The following DLG2 variants were observed in gnomAD, a reference collection of about 807,000 sequenced individuals.
DLG2 encodes the protein discs large MAGUK scaffold protein 2.
A neutral mutation model predicts 132.5 loss-of-function variants in DLG2; 45 were observed. The ratio of observed to expected loss-of-function variants is 0.34; its 90% CI spans 0.27 to 0.44. The LOEUF (loss-of-function observed/expected upper bound fraction) is 0.44. DLG2 is among the 20% of genes least tolerant of loss of function. The probability of loss-of-function intolerance (pLI) is 1.00; values close to 1 mark genes in which losing one functional copy is unlikely to be tolerated. For synonymous variants in DLG2, 424 were observed against 419.6 expected (o/e 1.01, Z -0.13); for missense variants, 1,045 against 1,196.9 (o/e 0.87, Z 1.87).
intron 7 of DLG2, among the ~76,000 whole-genome samples, chr11:84,388,745 G>A (rs973353290): frequency 4.6e-5 from 7 of 151,904 alleles, no homozygotes; most frequent in African/African-American, 1.7e-4. Flanking sequence ...AGAAGAAAAA[G>A]TGGATGTCAG....
At chr11:85,000,046 G>T (rs923838829) in intron 6 of DLG2, among the ~76,000 whole-genome samples, 2 of 151,914 alleles carry the variant, frequency 1.3e-5, no homozygotes, top group African/African-American at 4.8e-5. Context: ...TGAGCATTAT[G>T]TCTCTTATCT....
At chr11:84,402,354 A>C (rs180728039) in intron 7 of DLG2, among the ~76,000 whole-genome samples, 15 of 152,200 alleles carry the variant, frequency 9.9e-5, no homozygotes, top group Admixed American at 2.6e-4. Flanking sequence ...TGAATGGTTA[A>C]GATCTGGAGT....
At chr11:83,890,788 TGCTGACCTG>T (rs1281514865) in intron 15 of DLG2, among the ~76,000 whole-genome samples, 1 of 152,130 alleles carries the variant, frequency 6.6e-6, no homozygotes, top group African/African-American at 2.4e-5. Flanking sequence ...TGTCTCTAAA[TGCTGACCTG>T]AACCTGAAAT....
chr11:83,980,760 G>A, intron 11 of DLG2, 118 bp from the exon 12 acceptor site: 1 of 974,176 alleles, frequency 1.0e-6, no homozygotes, highest in Non-Finnish European at 1.5e-6. Flanking sequence ...TATTGTAACA[G>A]CAATAAATAA....
intron 9 of DLG2, among the ~76,000 whole-genome samples, chr11:84,122,276 C>T (rs549332540): frequency 1.5e-4 from 23 of 152,178 alleles, no homozygotes; most frequent in East Asian, 7.8e-4. Context: ...GCCAAGATCG[C>T]GTCACTGCAC....
intron 7 of DLG2, among the ~76,000 whole-genome samples, chr11:84,328,064 C>A (rs772802467): frequency 6.6e-6 from 1 of 152,156 alleles, no homozygotes; most frequent in Non-Finnish European, 1.5e-5. Flanking sequence ...TCTACTGACT[C>A]TTTCCTGGTT....
chr11:85,545,810 G>C (rs148516455), intron 3 of DLG2, among the ~76,000 whole-genome samples: 2,184 of 152,240 alleles, frequency 0.014, 25 homozygotes, highest in Non-Finnish European at 0.025. Context: ...ATGGTAGTTT[G>C]TATTTCTGTG....
upstream of DLG2, among the ~76,000 whole-genome samples, chr11:85,628,188 A>C (rs1307231282): frequency 6.6e-5 from 10 of 152,138 alleles, no homozygotes; most frequent in South Asian, 6.2e-4. Context: ...CAGAGCTTTA[A>C]CACCACACAG....
At chr11:84,447,033 A>C (rs2099037181) in intron 7 of DLG2, among the ~76,000 whole-genome samples, 1 of 152,210 alleles carries the variant, frequency 6.6e-6, no homozygotes, top group South Asian at 2.1e-4. Flanking sequence ...GTGTGGTAAC[A>C]ACATGTATAA....
chr11:83,993,532 A>G (rs889960629), intron 11 of DLG2, among the ~76,000 whole-genome samples: 1 of 152,146 alleles, frequency 6.6e-6, no homozygotes, highest in African/African-American at 2.4e-5. Context: ...ATCATTGACC[A>G]AATTGTTTTC....
chr11:83,710,650 C>T lies in DLG2; in HGVS notation c.1825+76040G>A, dbSNP rs150303325. 1.6e-3 allele frequency among the ~76,000 whole-genome samples: 240 copies of T among 152,142 alleles called. 1 individual carries two copies. Among genetic ancestry groups the T allele is most frequent in the Admixed American group, 3.4e-3 (52 of 15,280 alleles). ...ACATGTTTCTATTTGCAGATGTGGA[C>T]GGCATAACCAAAGCTTGAAACTGGT... On this transcript the variant is annotated intron_variant, in intron 18 of 27. Coordinates refer to ENST00000376104, the MANE Select transcript of DLG2 (RefSeq NM_001142699.3).
At chr11:85,343,240 T>G (rs1297259111) in intron 3 of DLG2, among the ~76,000 whole-genome samples, 1 of 152,096 alleles carries the variant, frequency 6.6e-6, no homozygotes, top group Non-Finnish European at 1.5e-5. Flanking sequence ...TTATTTCCCA[T>G]TTTTTCCCAG....
chr11:84,306,801 T>A (rs534375483), intron 7 of DLG2, among the ~76,000 whole-genome samples: 1 of 152,304 alleles, frequency 6.6e-6, no homozygotes, highest in East Asian at 1.9e-4. Flanking sequence ...TCTGAAGTGC[T>A]TTCTCACCAG....
At chr11:83,784,077 A>C (rs1356871359) in intron 18 of DLG2, among the ~76,000 whole-genome samples, 1 of 152,204 alleles carries the variant, frequency 6.6e-6, no homozygotes, top group Non-Finnish European at 1.5e-5. Flanking sequence ...ATTATGACTG[A>C]AAAATGTATT....
At chr11:85,133,909 T>C (rs1423991803) in intron 5 of DLG2, among the ~76,000 whole-genome samples, 2 of 152,074 alleles carry the variant, frequency 1.3e-5, no homozygotes, top group East Asian at 3.9e-4. Context: ...CAAGCATCAC[T>C]CTGGATAATA....
chr11:85,056,847 A>G (rs2063514213), intron 6 of DLG2, among the ~76,000 whole-genome samples: 1 of 152,020 alleles, frequency 6.6e-6, no homozygotes, highest in Admixed American at 6.6e-5. Context: ...TTTTATATTC[A>G]CTGAAAATAC....
intron 18 of DLG2, among the ~76,000 whole-genome samples, chr11:83,689,970 TTA>T (rs1491237292): frequency 8.1e-6 from 1 of 122,926 alleles, no homozygotes; most frequent in African/African-American, 3.2e-5. Context: ...TAATATATAT[TTA>T]TATTATAATA....
intron 6 of DLG2, among the ~76,000 whole-genome samples, chr11:84,925,668 A>G (rs1461644138): frequency 1.3e-5 from 2 of 152,210 alleles, no homozygotes; most frequent in African/African-American, 4.8e-5. Context: ...ATAACTGCCT[A>G]TGCATATTTT....
At chr11:84,458,123 T>C (rs893715242) in intron 7 of DLG2, among the ~76,000 whole-genome samples, 3 of 150,842 alleles carry the variant, frequency 2.0e-5, no homozygotes, top group Non-Finnish European at 4.5e-5. Context: ...CCTAATCTAT[T>C]AGTGTAAGAA....
Sources: allele counts gnomAD v4.1 joint callset (sites outside exome capture counted in the v4.1 genomes callset), GRCh38; gene constraint gnomAD v4.1.1; transcripts MANE v1.5; gene names NCBI Gene and HGNC (gene_info 2026-07-23, HGNC 2026-07-21).